CABIN1: variants seen among roughly 807,000 people sequenced by gnomAD.
The protein encoded by CABIN1 is calcineurin-binding protein cabin-1.
Under a neutral mutation model 227.7 loss-of-function variants are expected in CABIN1, and 133 were observed. The ratio of observed to expected loss-of-function variants is 0.58; its 90% CI spans 0.51 to 0.67. CABIN1 has a LOEUF of 0.67. CABIN1 is among the 30% of genes least tolerant of loss of function. CABIN1 has a pLI of 0.00. For synonymous variants in CABIN1, 1,086 were observed against 1,155.1 expected, an observed-to-expected ratio of 0.94 and a Z score of 1.21; for missense variants, 2,408 against 2,852.5, an observed-to-expected ratio of 0.84 and a Z score of 3.55.
At chr22:24,091,365 C>T (rs1482073378) in intron 23 of CABIN1, among the ~76,000 whole-genome samples, 3 of 152,190 alleles carry the variant, frequency 2.0e-5, no homozygotes, top group Non-Finnish European at 4.4e-5. Context: ...AGTTTAAGTC[C>T]TGCTCTATGC....
At chr22:24,013,297 C>T (rs1413430634) in intron 1 of CABIN1, among the ~76,000 whole-genome samples, 1 of 145,110 alleles carries the variant, frequency 6.9e-6, no homozygotes, top group African/African-American at 2.6e-5. Context: ...CCTGGGTTCA[C>T]GCCATTCTCC....
chr22:24,155,957 C>A, intron 29 of CABIN1: 2 of 520,340 alleles, frequency 3.8e-6, no homozygotes, highest in Non-Finnish European at 6.7e-6. Flanking sequence ...GCCGGCGCCC[C>A]GTCCGGCCGC....
In CABIN1 at chr22:24,119,672, C is replaced by T. The variant is rs764840578; in HGVS notation, c.4606C>T (p.Leu1536Phe). The part of the protein sequence containing the change: ...HYKSLYRLAF[L>F]YTYSKTHRNL... Reference sequence around the variant, plus strand: ...TAAGAGTCTCTACCGTCTGGCCTTCCTCTACACCTACAGCAAGACCCACCG... The same window carrying T: ...TAAGAGTCTCTACCGTCTGGCCTTCTTCTACACCTACAGCAAGACCCACCG... Residue 1536 changes from leucine to phenylalanine, a missense_variant, in exon 28 of 37, where the codon CTC (leucine) becomes TTC (phenylalanine). This residue lies in a region of CABIN1 where 649 missense variants were observed against 910.3 expected (regional missense o/e 0.71). Transcript: ENST00000263119. 1 of 1,614,014 alleles carries T rather than the reference C, an allele frequency of 6.2e-7. No homozygotes were observed. Among genetic ancestry groups the T allele is most frequent in the Non-Finnish European group, 8.5e-7 (1 of 1,180,030 alleles).
At chr22:24,045,282 G>A (rs982205478) in intron 6 of CABIN1, among the ~76,000 whole-genome samples, 3 of 151,940 alleles carry the variant, frequency 2.0e-5, no homozygotes, top group African/African-American at 7.3e-5. Context: ...TGTACACCTC[G>A]AAACTCTTTA....
chr22:24,146,237 T>C (rs892735587), intron 29 of CABIN1, among the ~76,000 whole-genome samples: 1 of 152,208 alleles, frequency 6.6e-6, no homozygotes, highest in Non-Finnish European at 1.5e-5. Context: ...ATGGGCCAGT[T>C]GCACAAGCAG....
chr22:24,013,231 C>A lies in CABIN1; in HGVS notation c.-75+1864C>A, dbSNP rs539545012. Among the ~76,000 whole-genome samples the A allele has an allele frequency of 2.7e-4, 38 of 143,174 alleles. 1 individual carries two copies. The East Asian group carries it at 5.9e-3, about 22-fold the overall frequency. 93.9% of individuals were successfully genotyped at this position (143,174 alleles called of 152,430 possible). A position where few individuals can be genotyped will look rare whatever the true frequency, so the allele number is the denominator to read the frequency against. ...TTTTTTTTTTGAGATGGAGTCTCGC[C>A]TGTGGCCCAGGCTGGAGTGCAGTGG... On this transcript the variant is annotated intron_variant, in intron 1 of 36. Coordinates refer to ENST00000263119, the MANE Select transcript of CABIN1 (RefSeq NM_012295.4).
intron 3 of CABIN1, among the ~76,000 whole-genome samples, chr22:24,036,835 A>G (rs1333874752): frequency 1.3e-5 from 2 of 152,220 alleles, no homozygotes; most frequent in South Asian, 2.1e-4. Flanking sequence ...TCAGAAGTCT[A>G]CTAGTCACCT....
intron 16 of CABIN1, among the ~76,000 whole-genome samples, chr22:24,068,520 C>G (rs1014293192): frequency 6.6e-6 from 1 of 152,168 alleles, no homozygotes. Flanking sequence ...CTTGGGCAGG[C>G]GCTGAGCTGT....
In CABIN1 at chr22:24,098,193, G is replaced by A; in HGVS notation, c.4117+1G>A. On this transcript the variant is annotated splice_donor_variant, in intron 26 of 36. Transcript: ENST00000263119. LOFTEE classifies it high-confidence loss of function. ...CCCCACCAGCAGGCAACGCCGGACGGTACAGTCCCTGTTCTCCCTACTGCC... is the reference window on the plus strand; with the variant it reads ...CCCCACCAGCAGGCAACGCCGGACGATACAGTCCCTGTTCTCCCTACTGCC... 1.2e-6 allele frequency: 2 copies of A among 1,614,056 alleles called. No homozygotes were observed. The highest frequency in any genetic ancestry group is 1.1e-5 in the South Asian group (1 of 91,070).
At position 24,043,087 on chromosome 22, in the gene CABIN1, G is replaced by A; in HGVS notation, c.526+3G>A. ...GTACACCCTCAGTGATTACACAAGTGAGTCATGCTTTGATGCTTTCTTCCA... is the reference window on the plus strand; with the variant it reads ...GTACACCCTCAGTGATTACACAAGTAAGTCATGCTTTGATGCTTTCTTCCA... On this transcript the variant is annotated splice_donor_region_variant and intron_variant, in intron 6 of 36. Transcript: ENST00000263119. 6.2e-7 allele frequency: 1 copy of A among 1,613,676 alleles called. No homozygotes were observed. The highest frequency in any genetic ancestry group is 8.5e-7 in the Non-Finnish European group (1 of 1,179,738).
Position 24,119,361 on chromosome 22 carries a change from C to T in CABIN1, c.4301-6C>T. The T allele has an allele frequency of 6.2e-7, 1 of 1,610,996 alleles. No homozygotes were observed. Among genetic ancestry groups the T allele is most frequent in the Non-Finnish European group, 8.5e-7 (1 of 1,179,634 alleles). ...GTGACTTTCTTTCCCTTCTTCTCAA[C>T]TGTAGGAAAAAACGAGGAGTCATTG... On this transcript the variant is annotated splice_polypyrimidine_tract_variant and splice_region_variant and intron_variant, in intron 27 of 36. Transcript: ENST00000263119.
chr22:24,054,317 A>G (rs1203913433), intron 8 of CABIN1, among the ~76,000 whole-genome samples: 1 of 152,198 alleles, frequency 6.6e-6, no homozygotes, highest in East Asian at 1.9e-4. Flanking sequence ...ACACCACACC[A>G]TACCACAACA....
At chr22:24,120,288 G>A (rs1012614385) in intron 28 of CABIN1, among the ~76,000 whole-genome samples, 1 of 152,212 alleles carries the variant, frequency 6.6e-6, no homozygotes, top group African/African-American at 2.4e-5. Context: ...GCTCTTTTTG[G>A]AAAGCGGATG....
chr22:24,171,974 A>G lies in CABIN1; in HGVS notation c.6019A>G (p.Ser2007Gly). Residue 2007 changes from serine (S) to glycine (G), a missense_variant, in exon 34 of 37, where the codon AGC becomes GGC. Physicochemically the swap from Ser to Gly is moderately conservative, Grantham distance 56. Transcript: ENST00000263119. ...PRPHRPEATP[S>G]MASLGPEGEE... ...GCCACACAGGCCTGAAGCTACCCCC[A>G]GCATGGCCTCTCTGGGCCCAGGTGA... is the stretch of plus-strand genomic sequence containing the variant. 1 of 1,612,540 alleles carries G rather than the reference A, an allele frequency of 6.2e-7. No individual in the cohort carries two copies. Among genetic ancestry groups the G allele is most frequent in the Non-Finnish European group, 8.5e-7 (1 of 1,179,980 alleles).
intron 10 of CABIN1, 156 bp downstream of exon 10, chr22:24,056,516 G>A (rs1601824664): frequency 1.3e-6 from 1 of 747,292 alleles, no homozygotes; most frequent in East Asian, 2.7e-5. Context: ...AAATCTCACT[G>A]GAGTAGGATC....
chr22:24,013,374 T>G (rs902748604), intron 1 of CABIN1, among the ~76,000 whole-genome samples: 8 of 151,828 alleles, frequency 5.3e-5, no homozygotes, highest in Admixed American at 5.3e-4. Context: ...TTTTTTGTAT[T>G]TTTTAGTAGA....
intron 28 of CABIN1, among the ~76,000 whole-genome samples, chr22:24,124,996 TAA>T (rs1260359631): frequency 1.3e-5 from 2 of 152,082 alleles, no homozygotes; most frequent in Admixed American, 6.5e-5. Context: ...ATATTAGCCT[TAA>T]AAAGGGGGGA....
chr22:24,063,060 T>C lies in CABIN1; in HGVS notation c.1798T>C (p.Ser600Pro). Residue 600 changes from serine to proline, a missense_variant, in exon 14 of 37, where the codon TCG (serine) becomes CCG (proline). By Grantham distance (74) the Ser-to-Pro change is moderately conservative. This residue lies in a region of CABIN1 where 1,045 missense variants were observed against 1,168.4 expected (regional missense o/e 0.89). Transcript: ENST00000263119. ...LGDLLQLSFASSQRDLFEDGW... is the reference protein window; with the variant it reads ...LGDLLQLSFAPSQRDLFEDGW... ...TGACCTCCTACAGCTGTCATTTGCC[T>C]CGTCCCAGCGCGACCTGTTCGAGGA... 1 of 1,614,186 alleles carries C rather than the reference T, an allele frequency of 6.2e-7. No homozygotes were observed. Among genetic ancestry groups the C allele is most frequent in the Non-Finnish European group, 8.5e-7 (1 of 1,180,020 alleles).
rs1342611835 is a variant in CABIN1, at chr22:24,064,123, A to C, written c.1973A>C (p.Glu658Ala). Residue 658 changes from glutamate to alanine, a missense_variant, in exon 15 of 37, where the codon GAA (glutamate) becomes GCA (alanine). Physicochemically the swap from Glu to Ala is moderately radical, Grantham distance 107. Coordinates refer to ENST00000263119, the MANE Select transcript of CABIN1 (RefSeq NM_012295.4). ...STAIQVEAGA[E>A]RRDIVIRLPN... ...GCCATCCAGGTGGAGGCAGGGGCTG[A>C]ACGAAGAGACATTGTCATCCGGCTG... 6.2e-7 allele frequency: 1 copy of C among 1,614,088 alleles called. No homozygotes were observed. The highest frequency in any genetic ancestry group is 8.5e-7 in the Non-Finnish European group (1 of 1,180,034).
Sources: gnomAD v4.1 joint callset for allele counts (sites outside exome capture counted in the v4.1 genomes callset) on GRCh38, gnomAD v4.1.1 for gene constraint, gnomAD v4.1.1 regional missense constraint, MANE v1.5 for transcripts, NCBI Gene and HGNC (gene_info 2026-07-23, HGNC 2026-07-21) for gene names.